Variants in CCBE1 observed in about 807,000 individuals in gnomAD.
CCBE1 encodes collagen and calcium binding EGF domains 1, also known as collagen and calcium-binding EGF domain-containing protein 1.
Under a neutral mutation model 50.0 loss-of-function variants are expected in CCBE1, and 37 were observed. The observed-to-expected ratio is 0.74, with a 90% CI of 0.57 to 0.97. CCBE1 has a LOEUF of 0.97. Among genes scored for constraint, CCBE1 ranks in the 50% least tolerant of loss-of-function variants. The probability of loss-of-function intolerance (pLI) is 0.00; values close to 1 mark genes in which losing one functional copy is unlikely to be tolerated. For synonymous variants in CCBE1, 234 were observed against 203.7 expected, an observed-to-expected ratio of 1.15 and a Z score of -1.27; for missense variants, 538 against 523.8, an observed-to-expected ratio of 1.03 and a Z score of -0.26.
At chr18:59,480,708 TAAGACC>T (rs1164719194) in intron 2 of CCBE1, among the ~76,000 whole-genome samples, 2 of 152,032 alleles carry the variant, frequency 1.3e-5, no homozygotes, top group South Asian at 2.1e-4. Context: ...AGTCAACTAT[TAAGACC>T]AAGACTGGAA....
chr18:59,610,277 G>T (rs908724282), intron 2 of CCBE1, among the ~76,000 whole-genome samples: 16 of 152,066 alleles, frequency 1.1e-4, no homozygotes, highest in Non-Finnish European at 2.2e-4. Context: ...GCTGGGTTTT[G>T]GATACAAAGT....
intron 2 of CCBE1, among the ~76,000 whole-genome samples, chr18:59,635,061 A>G (rs1279481171): frequency 6.6e-6 from 1 of 152,232 alleles, no homozygotes; most frequent in Non-Finnish European, 1.5e-5. Context: ...AACTGAGGAA[A>G]GAAGGGACCT....
chr18:59,672,355 C>T (rs11661401), intron 2 of CCBE1, among the ~76,000 whole-genome samples: 2 of 152,202 alleles, frequency 1.3e-5, no homozygotes, highest in South Asian at 4.1e-4. Context: ...GCCCTGTCAC[C>T]TGCTTTGATC....
At chr18:59,677,667 G>A (rs1053877477) in intron 2 of CCBE1, among the ~76,000 whole-genome samples, 2 of 151,576 alleles carry the variant, frequency 1.3e-5, no homozygotes, top group African/African-American at 4.8e-5. Flanking sequence ...CTTGAACCCA[G>A]GAGTTGAGTC....
intron 2 of CCBE1, among the ~76,000 whole-genome samples, chr18:59,522,993 C>CACA (rs1914669845): frequency 1.1e-5 from 1 of 89,222 alleles, no homozygotes; most frequent in African/African-American, 4.1e-5. Context: ...GACTCTGTTT[C>CACA]AAAAAAAAAA....
chr18:59,647,293 TATAATTAGTGGCACAGGAAATGACC>T (rs2054067676), intron 2 of CCBE1, among the ~76,000 whole-genome samples: 4 of 152,220 alleles, frequency 2.6e-5, no homozygotes, highest in Admixed American at 2.6e-4. Context: ...TAAATGGCTG[TATAATTAGTGGCACAGGAAATGACC>T]ATATGTTATG....
intron 2 of CCBE1, among the ~76,000 whole-genome samples, chr18:59,567,040 G>A (rs565608355): frequency 3.9e-5 from 6 of 152,320 alleles, no homozygotes; most frequent in East Asian, 1.9e-4. Context: ...AGAGGTGAGA[G>A]GATTAGGTCA....
intron 4 of CCBE1, among the ~76,000 whole-genome samples, chr18:59,469,170 T>C (rs756152116): frequency 6.6e-6 from 1 of 152,260 alleles, no homozygotes; most frequent in African/African-American, 2.4e-5. Context: ...TCTGCGTTTT[T>C]ACTTTTCTGA....
At chr18:59,576,126 C>A (rs2052991633) in intron 2 of CCBE1, among the ~76,000 whole-genome samples, 1 of 152,118 alleles carries the variant, frequency 6.6e-6, no homozygotes, top group Admixed American at 6.5e-5. Flanking sequence ...CTTTTTATTG[C>A]CCAGTTAGTG....
At chr18:59,465,664 A>C (rs1414599410) in intron 5 of CCBE1, 3 of 152,240 alleles carry the variant, frequency 2.0e-5, no homozygotes. Context: ...TTGATATAAA[A>C]ATTTTTAAAC....
intron 2 of CCBE1, among the ~76,000 whole-genome samples, chr18:59,485,700 TCCC>T (rs1221507877): frequency 6.6e-6 from 1 of 151,888 alleles, no homozygotes; most frequent in African/African-American, 2.4e-5. Context: ...AACCTTTGCC[TCCC>T]AGGTACAAGC....
intron 2 of CCBE1, among the ~76,000 whole-genome samples, chr18:59,653,889 A>T (rs774637872): frequency 6.6e-6 from 1 of 152,216 alleles, no homozygotes; most frequent in Admixed American, 6.5e-5. Flanking sequence ...TAAAATTCAA[A>T]TTCTTATGGA....
intron 3 of CCBE1, among the ~76,000 whole-genome samples, chr18:59,477,431 G>C (rs937525302): frequency 3.3e-5 from 5 of 152,168 alleles, no homozygotes; most frequent in African/African-American, 1.2e-4. Flanking sequence ...TGTGGTAGAA[G>C]GTGGCAGGTT....
At chr18:59,670,449 T>A (rs1002983897) in intron 2 of CCBE1, among the ~76,000 whole-genome samples, 1 of 152,188 alleles carries the variant, frequency 6.6e-6, no homozygotes, top group Non-Finnish European at 1.5e-5. Context: ...GGAAGGCATG[T>A]GAGCCTGGAA....
At chr18:59,490,325 G>A (rs924685995) in intron 2 of CCBE1, among the ~76,000 whole-genome samples, 4 of 151,248 alleles carry the variant, frequency 2.6e-5, no homozygotes, top group African/African-American at 9.7e-5. Flanking sequence ...GGTTAGTTTG[G>A]AGATTCACCA....
chr18:59,503,571 G>A (rs1305979843), intron 2 of CCBE1, among the ~76,000 whole-genome samples: 4 of 152,134 alleles, frequency 2.6e-5, no homozygotes, highest in African/African-American at 9.7e-5. Context: ...CTCCATCCCT[G>A]CTACAACCTA....
At chr18:59,684,014 T>C (rs2054625846) in intron 2 of CCBE1, among the ~76,000 whole-genome samples, 1 of 152,172 alleles carries the variant, frequency 6.6e-6, no homozygotes, top group Admixed American at 6.5e-5. Flanking sequence ...GCACCCTTTT[T>C]CATTGACCTT....
intron 2 of CCBE1, chr18:59,666,111 C>A (rs62094395): frequency 0.28 from 41,973 of 152,088 alleles, 6,719 homozygotes; most frequent in Non-Finnish European, 0.36. Flanking sequence ...ATAATCACGG[C>A]AAAAGGCGAG....
chr18:59,537,370 C>T (rs991024017), intron 2 of CCBE1, among the ~76,000 whole-genome samples: 2 of 152,102 alleles, frequency 1.3e-5, no homozygotes, highest in Non-Finnish European at 2.9e-5. Flanking sequence ...ATAATTCCCA[C>T]GTGTTGTGGG....
Sources: gnomAD v4.1 joint callset for allele counts (sites outside exome capture counted in the v4.1 genomes callset) on GRCh38, gnomAD v4.1.1 for gene constraint, MANE v1.5 for transcripts, NCBI Gene and HGNC (gene_info 2026-07-23, HGNC 2026-07-21) for gene names.